PAPPA2: variants seen among roughly 807,000 people sequenced by gnomAD.
The protein encoded by PAPPA2 is pappalysin 2, also known as pappalysin-2.
Under a neutral mutation model 176.4 loss-of-function variants are expected in PAPPA2, and 86 were observed. That is an observed-to-expected ratio of 0.49 (90% CI 0.41 to 0.58). PAPPA2 has a LOEUF of 0.58. Ranked by LOEUF, PAPPA2 falls within the 20% of genes least tolerant of loss-of-function variation. The pLI is 0.00. For synonymous variants in PAPPA2, 809 were observed against 852.2 expected, an observed-to-expected ratio of 0.95 and a Z score of 0.88; for missense variants, 2,073 against 2,256.9, an observed-to-expected ratio of 0.92 and a Z score of 1.65.
At chr1:176,739,828 A>G in intron 13 of PAPPA2, 67 bp downstream of exon 13, 3 of 1,590,100 alleles carry the variant, frequency 1.9e-6, no homozygotes, top group Middle Eastern at 1.8e-4. Context: ...AGTCAGCTTG[A>G]TGTCTGTCTT....
At chr1:176,715,138 G>A (rs1397631646) in intron 12 of PAPPA2, among the ~76,000 whole-genome samples, 1 of 152,106 alleles carries the variant, frequency 6.6e-6, no homozygotes, top group African/African-American at 2.4e-5. Flanking sequence ...CTGGAAAGTT[G>A]GCTATCTTTA....
chr1:176,638,866 A>G (rs73046329), intron 3 of PAPPA2, among the ~76,000 whole-genome samples: 10,021 of 151,808 alleles, frequency 0.066, 363 homozygotes, highest in South Asian at 0.14. Flanking sequence ...GATCTGGAAC[A>G]TCCAATCTCT....
intron 3 of PAPPA2, among the ~76,000 whole-genome samples, chr1:176,613,026 A>G (rs759373985): frequency 1.3e-5 from 2 of 152,144 alleles, no homozygotes; most frequent in African/African-American, 2.4e-5. Context: ...GAGATTAGAA[A>G]AAGTTTTTCC....
At chr1:176,740,514 C>T (rs993388220) in intron 14 of PAPPA2, among the ~76,000 whole-genome samples, 1 of 152,176 alleles carries the variant, frequency 6.6e-6, no homozygotes, top group Non-Finnish European at 1.5e-5. Flanking sequence ...GCCAAAAATT[C>T]TCTGCCAAAA....
chr1:176,754,269 C>G (rs1020336597), intron 14 of PAPPA2, among the ~76,000 whole-genome samples: 2 of 152,098 alleles, frequency 1.3e-5, no homozygotes, highest in Non-Finnish European at 2.9e-5. Flanking sequence ...GGTCCACCCC[C>G]AAGGAATAGA....
intron 21 of PAPPA2, among the ~76,000 whole-genome samples, chr1:176,809,476 C>G (rs181939365): frequency 1.7e-4 from 26 of 152,258 alleles, no homozygotes; most frequent in Middle Eastern, 6.8e-3. Flanking sequence ...TCTCTGTTGT[C>G]TTGGACCTCT....
chr1:176,823,926 C>T (rs1241537489), intron 21 of PAPPA2, among the ~76,000 whole-genome samples: 3 of 152,172 alleles, frequency 2.0e-5, no homozygotes, highest in Admixed American at 6.5e-5. Context: ...GTGTTACCAT[C>T]TCTCACCTGA....
chr1:176,723,597 C>T (rs181403776), intron 12 of PAPPA2, among the ~76,000 whole-genome samples: 2 of 151,690 alleles, frequency 1.3e-5, no homozygotes, highest in African/African-American at 2.4e-5. Flanking sequence ...AATTCAGAGA[C>T]AAATTTACTG....
At chr1:176,680,466 T>C (rs1659529541) in intron 4 of PAPPA2, among the ~76,000 whole-genome samples, 1 of 152,262 alleles carries the variant, frequency 6.6e-6, no homozygotes, top group African/African-American at 2.4e-5. Context: ...TCACGTTTTG[T>C]TAAACTAGAC....
At chr1:176,478,351 A>C (rs1652235280) in intron 1 of PAPPA2, among the ~76,000 whole-genome samples, 1 of 152,264 alleles carries the variant, frequency 6.6e-6, no homozygotes, top group African/African-American at 2.4e-5. Context: ...AAGGAGTTGG[A>C]TAAACCTCAA....
At position 176,565,755 on chromosome 1, in the gene PAPPA2, A is replaced by G. The variant is rs568745993; in HGVS notation, c.919+8514A>G. 7.9e-5 allele frequency among the ~76,000 whole-genome samples: 12 copies of G among 152,040 alleles called. No individual in the cohort carries two copies. The South Asian group carries it at 1.7e-3, about 21-fold the overall frequency. On this transcript the variant is annotated intron_variant, in intron 2 of 22. Coordinates refer to ENST00000367662, the MANE Select transcript of PAPPA2 (RefSeq NM_020318.3). The stretch of plus-strand genomic sequence containing the variant: ...TGAGTATGGTTTGGCCACTGTTAGC[A>G]TCTGAGAATACTTCAGTGGTCTTGG...
intron 1 of PAPPA2, among the ~76,000 whole-genome samples, chr1:176,548,944 C>T (rs928630005): frequency 1.6e-4 from 24 of 152,260 alleles, no homozygotes; most frequent in African/African-American, 4.8e-4. Flanking sequence ...AGGCACCCAC[C>T]TCACAGGACT....
At chr1:176,638,799 T>C (rs1656882442) in intron 3 of PAPPA2, among the ~76,000 whole-genome samples, 2 of 152,010 alleles carry the variant, frequency 1.3e-5, no homozygotes, top group Non-Finnish European at 2.9e-5. Flanking sequence ...TATATAGACC[T>C]TTTTATATCT....
chr1:176,482,567 C>T (rs1374813082), intron 1 of PAPPA2, among the ~76,000 whole-genome samples: 1 of 152,158 alleles, frequency 6.6e-6, no homozygotes, highest in East Asian at 1.9e-4. Context: ...GGGACAGCTT[C>T]AGGCTCAGCT....
chr1:176,518,199 C>T (rs2102533492), intron 1 of PAPPA2, among the ~76,000 whole-genome samples: 1 of 152,308 alleles, frequency 6.6e-6, no homozygotes, highest in Admixed American at 6.5e-5. Flanking sequence ...CCACAGGTCT[C>T]TGACTCACAA....
intron 2 of PAPPA2, among the ~76,000 whole-genome samples, chr1:176,573,958 A>G (rs2102617574): frequency 7.3e-6 from 1 of 136,360 alleles, no homozygotes; most frequent in Middle Eastern, 4.2e-3. Context: ...AAGGGTAATA[A>G]ATGGATTTTT....
intron 4 of PAPPA2, among the ~76,000 whole-genome samples, chr1:176,681,371 G>T (rs539101167): frequency 2.8e-4 from 43 of 152,266 alleles, no homozygotes; most frequent in South Asian, 1.2e-3. Flanking sequence ...TGCGACTTGA[G>T]GACCCTGTGG....
chr1:176,775,858 A>G (rs146330155), intron 17 of PAPPA2, among the ~76,000 whole-genome samples: 85 of 152,238 alleles, frequency 5.6e-4, no homozygotes, highest in African/African-American at 1.9e-3. Context: ...TCTTTTTAAA[A>G]TTTTTGTAGC....
At position 176,634,593 on chromosome 1, in the gene PAPPA2, A is replaced by AAT. The variant is rs536134215; in HGVS notation, c.1992-36365_1992-36364dup. Reference sequence around the variant, plus strand: ...ATCCTAGAACTTTAAGTATAATAAAAATATATATATATAAAATAAAAAAAA... The same window carrying AAT: ...ATCCTAGAACTTTAAGTATAATAAAAATATATATATATATAAAATAAAAAAAA... On this transcript the variant is annotated intron_variant, in intron 3 of 22. Coordinates refer to ENST00000367662, the MANE Select transcript of PAPPA2 (RefSeq NM_020318.3). 3.0e-3 allele frequency among the ~76,000 whole-genome samples: 454 copies of AAT among 151,142 alleles called. 4 individuals are homozygous for AAT. Among genetic ancestry groups the AAT allele is most frequent in the African/African-American group, 0.011 (434 of 41,264 alleles).
Sources: allele counts gnomAD v4.1 joint callset (sites outside exome capture counted in the v4.1 genomes callset), GRCh38; gene constraint gnomAD v4.1.1; transcripts MANE v1.5; gene names NCBI Gene and HGNC (gene_info 2026-07-23, HGNC 2026-07-21).